RBMS3: variants seen among roughly 807,000 people sequenced by gnomAD.
The protein encoded by RBMS3 is RNA binding motif single stranded interacting protein 3.
In RBMS3, 27 loss-of-function variants were observed where a neutral mutation model predicts 66.8. The observed-to-expected ratio is 0.40, with a 90% CI of 0.30 to 0.56. The LOEUF is 0.56. Ranked by LOEUF, RBMS3 falls within the 20% of genes least tolerant of loss-of-function variation. The pLI is 0.40. For synonymous variants in RBMS3, 188 were observed against 183.0 expected (o/e 1.03, Z -0.22); for missense variants, 513 against 549.5 (o/e 0.93, Z 0.66).
At chr3:29,839,102 T>G (rs2058602393) in intron 6 of RBMS3, among the ~76,000 whole-genome samples, 1 of 152,130 alleles carries the variant, frequency 6.6e-6, no homozygotes, top group South Asian at 2.1e-4. Flanking sequence ...TGTTAATACA[T>G]TTTTCAAGGT....
At chr3:29,725,373 G>A (rs538658874) in intron 4 of RBMS3, among the ~76,000 whole-genome samples, 2 of 152,232 alleles carry the variant, frequency 1.3e-5, no homozygotes, top group African/African-American at 4.8e-5. Context: ...GATCACAGCA[G>A]AACTGAAGGA....
At chr3:29,680,012 G>T (rs963689127) in intron 4 of RBMS3, among the ~76,000 whole-genome samples, 20 of 152,064 alleles carry the variant, frequency 1.3e-4, no homozygotes, top group African/African-American at 4.6e-4. Flanking sequence ...AAATACCTTT[G>T]TGTTGCCTCT....
chr3:29,715,511 G>A (rs750303919), intron 4 of RBMS3, among the ~76,000 whole-genome samples: 1 of 151,986 alleles, frequency 6.6e-6, no homozygotes. Flanking sequence ...TATATCTACT[G>A]TTAGTTCCCT....
intron 1 of RBMS3, among the ~76,000 whole-genome samples, chr3:29,340,376 C>T (rs191297549): frequency 7.3e-4 from 111 of 152,156 alleles, no homozygotes; most frequent in Admixed American, 2.1e-3. Context: ...CAATGGACAC[C>T]GCCATTGGGG....
chr3:29,403,602 T>C (rs964097703), intron 1 of RBMS3, among the ~76,000 whole-genome samples: 7 of 152,072 alleles, frequency 4.6e-5, no homozygotes, highest in Non-Finnish European at 1.0e-4. Flanking sequence ...TAAAAGGACA[T>C]TCCAGGGCTG....
At chr3:29,857,033 C>T (rs1356810059) in intron 6 of RBMS3, among the ~76,000 whole-genome samples, 1 of 152,166 alleles carries the variant, frequency 6.6e-6, no homozygotes, top group African/African-American at 2.4e-5. Context: ...ACCTGTAAAT[C>T]TTTTACCTAC....
At chr3:29,491,642 G>C (rs959781131) in intron 3 of RBMS3, among the ~76,000 whole-genome samples, 1 of 152,192 alleles carries the variant, frequency 6.6e-6, no homozygotes, top group African/African-American at 2.4e-5. Flanking sequence ...AAGGAGGAAA[G>C]ACGGGGCTGT....
chr3:29,633,617 C>T (rs1219100202), intron 4 of RBMS3, among the ~76,000 whole-genome samples: 6 of 151,722 alleles, frequency 4.0e-5, no homozygotes, highest in Non-Finnish European at 4.4e-5. Context: ...GGCTAATGGG[C>T]ACAAACCTGT....
intron 1 of RBMS3, among the ~76,000 whole-genome samples, chr3:29,431,587 A>C (rs559797125): frequency 6.6e-6 from 1 of 152,084 alleles, no homozygotes; most frequent in Non-Finnish European, 1.5e-5. Context: ...CACCGCGCCC[A>C]GCCAAAAAAC....
intron 4 of RBMS3, among the ~76,000 whole-genome samples, chr3:29,627,189 G>A (rs1014530592): frequency 6.6e-6 from 1 of 152,106 alleles, no homozygotes; most frequent in East Asian, 1.9e-4. Context: ...GCATTAAAGT[G>A]CTGACAAGGA....
At chr3:29,390,136 T>C (rs2039221556) in intron 1 of RBMS3, among the ~76,000 whole-genome samples, 1 of 152,246 alleles carries the variant, frequency 6.6e-6, no homozygotes, top group South Asian at 2.1e-4. Flanking sequence ...GCATGGCTGT[T>C]ATCAAATTCC....
At chr3:29,884,030 G>T in intron 7 of RBMS3, 132 bp from the exon 8 acceptor site, 1 of 726,458 alleles carries the variant, frequency 1.4e-6, no homozygotes, top group Non-Finnish European at 2.3e-6. Flanking sequence ...AGTAAGCATA[G>T]AGATATACAT....
At chr3:29,794,437 T>C in intron 6 of RBMS3, among the ~76,000 whole-genome samples, 1 of 151,884 alleles carries the variant, frequency 6.6e-6, no homozygotes, top group Non-Finnish European at 1.5e-5. Context: ...ATACAAAAAA[T>C]TAGCCAGGCA....
intron 8 of RBMS3, among the ~76,000 whole-genome samples, chr3:29,886,243 C>T (rs550270340): frequency 9.2e-5 from 14 of 151,712 alleles, no homozygotes; most frequent in South Asian, 4.2e-4. Flanking sequence ...TGGATGATTC[C>T]GAAGCAAAAT....
At chr3:29,640,398 C>T (rs999482566) in intron 4 of RBMS3, among the ~76,000 whole-genome samples, 1 of 151,750 alleles carries the variant, frequency 6.6e-6, no homozygotes, top group Non-Finnish European at 1.5e-5. Flanking sequence ...GATTAAGCTT[C>T]GGGGATCATT....
intron 4 of RBMS3, among the ~76,000 whole-genome samples, chr3:29,670,622 G>A (rs1288389032): frequency 6.6e-6 from 1 of 152,222 alleles, no homozygotes; most frequent in Non-Finnish European, 1.5e-5. Context: ...CTGGCTCAGA[G>A]GGTCCCGTGC....
chr3:29,906,121 A>C (rs903218925), intron 10 of RBMS3, among the ~76,000 whole-genome samples: 3 of 152,140 alleles, frequency 2.0e-5, no homozygotes, highest in Admixed American at 2.0e-4. Context: ...GGATCACTTA[A>C]TAGAGTATCA....
At chr3:29,383,316 T>G (rs1252602369) in intron 1 of RBMS3, among the ~76,000 whole-genome samples, 2 of 152,228 alleles carry the variant, frequency 1.3e-5, no homozygotes, top group African/African-American at 4.8e-5. Context: ...CACTTGTCTA[T>G]GTAGGAAGAA....
At chr3:29,527,888 C>T (rs2045195201) in intron 3 of RBMS3, among the ~76,000 whole-genome samples, 1 of 148,450 alleles carries the variant, frequency 6.7e-6, no homozygotes, top group African/African-American at 2.5e-5. Context: ...GCACATTGTG[C>T]ACATGTACCC....
Sources: allele counts gnomAD v4.1 joint callset (sites outside exome capture counted in the v4.1 genomes callset), GRCh38; gene constraint gnomAD v4.1.1; transcripts MANE v1.5; gene names NCBI Gene and HGNC (gene_info 2026-07-23, HGNC 2026-07-21).